The following DLG2 variants were observed in gnomAD, a reference collection of about 807,000 sequenced individuals.
The protein encoded by DLG2 is discs large MAGUK scaffold protein 2.
Under a neutral mutation model 132.5 loss-of-function variants are expected in DLG2, and 45 were observed. That is an observed-to-expected ratio of 0.34 (90% confidence interval 0.27 to 0.44). The LOEUF (loss-of-function observed/expected upper bound fraction) is 0.44. Ranked by LOEUF, DLG2 falls within the 20% of genes least tolerant of loss-of-function variation. The pLI is 1.00. For missense variants in DLG2, 1,045 were observed against 1,196.9 expected, an observed-to-expected ratio of 0.87 and a Z score of 1.87; for synonymous variants, 424 against 419.6, an observed-to-expected ratio of 1.01 and a Z score of -0.13.
chr11:84,484,513 C>T (rs2099146049), intron 7 of DLG2, among the ~76,000 whole-genome samples: 1 of 152,168 alleles, frequency 6.6e-6, no homozygotes, highest in Non-Finnish European at 1.5e-5. Flanking sequence ...TTTATAATTT[C>T]TGTACTAAGG....
chr11:84,538,398 C>CATT (rs1388582572), intron 6 of DLG2, among the ~76,000 whole-genome samples: 2 of 152,166 alleles, frequency 1.3e-5, no homozygotes, highest in African/African-American at 4.8e-5. Context: ...TTTTCAGGAA[C>CATT]ATTACCCTTA....
intron 18 of DLG2, 81 bp downstream of exon 18, chr11:83,786,609 G>T: frequency 7.9e-7 from 1 of 1,260,772 alleles, no homozygotes; most frequent in Non-Finnish European, 1.1e-6. Context: ...GGTGACTCTA[G>T]TTAATAAAAA....
chr11:84,322,664 A>C (rs989534428), intron 7 of DLG2, among the ~76,000 whole-genome samples: 1 of 151,154 alleles, frequency 6.6e-6, no homozygotes, highest in African/African-American at 2.4e-5. Flanking sequence ...ATCTCAGCTC[A>C]CTGCAACCTC....
chr11:85,386,777 A>T (rs1255117299), intron 3 of DLG2, among the ~76,000 whole-genome samples: 1 of 151,796 alleles, frequency 6.6e-6, no homozygotes, highest in South Asian at 2.1e-4. Flanking sequence ...AATGATAGTG[A>T]AAAAAGAAAA....
At chr11:84,630,834 T>C (rs1565501809) in intron 6 of DLG2, among the ~76,000 whole-genome samples, 1 of 152,172 alleles carries the variant, frequency 6.6e-6, no homozygotes, top group Admixed American at 6.5e-5. Flanking sequence ...CACTGTTCAC[T>C]TCAGCCTGCA....
intron 4 of DLG2, among the ~76,000 whole-genome samples, chr11:85,261,211 G>T (rs1302351293): frequency 6.6e-6 from 1 of 152,130 alleles, no homozygotes; most frequent in Non-Finnish European, 1.5e-5. Flanking sequence ...TGCTGGAGGG[G>T]CTACATGCAG....
At chr11:84,952,774 T>C (rs1422227914) in intron 6 of DLG2, among the ~76,000 whole-genome samples, 7 of 152,224 alleles carry the variant, frequency 4.6e-5, no homozygotes, top group African/African-American at 1.2e-4. Flanking sequence ...CAGAACTACA[T>C]TGCTGAAAGG....
At chr11:84,546,717 C>A in intron 6 of DLG2, 2 of 499,782 alleles carry the variant, frequency 4.0e-6, no homozygotes, top group Non-Finnish European at 7.8e-6. Context: ...CATTACCACA[C>A]AGTCCATGAG....
At chr11:84,457,142 A>C (rs1307332407) in intron 7 of DLG2, among the ~76,000 whole-genome samples, 2 of 151,194 alleles carry the variant, frequency 1.3e-5, no homozygotes, top group African/African-American at 4.8e-5. Context: ...TAAAGTTTCT[A>C]ATCTTGTTGA....
intron 9 of DLG2, among the ~76,000 whole-genome samples, chr11:84,132,262 G>C (rs1282792410): frequency 1.3e-5 from 2 of 151,928 alleles, no homozygotes; most frequent in African/African-American, 2.4e-5. Flanking sequence ...TTTCACATTG[G>C]ATTACCACTG....
intron 15 of DLG2, among the ~76,000 whole-genome samples, chr11:83,882,268 A>G (rs1018438417): frequency 1.4e-4 from 22 of 152,086 alleles, no homozygotes; most frequent in South Asian, 6.2e-4. Context: ...CCTCACATAT[A>G]AAAAAAAGAT....
chr11:83,791,546 T>C, intron 17 of DLG2: 1 of 558,636 alleles, frequency 1.8e-6, no homozygotes, highest in Non-Finnish European at 3.4e-6. Flanking sequence ...AGTTAAAGGA[T>C]TTCCAGAAGG....
chr11:84,779,238 A>C (rs2071266619), intron 6 of DLG2, among the ~76,000 whole-genome samples: 2 of 152,108 alleles, frequency 1.3e-5, no homozygotes, highest in Non-Finnish European at 2.9e-5. Flanking sequence ...ATACACACAC[A>C]CATATCCTAT....
intron 15 of DLG2, among the ~76,000 whole-genome samples, chr11:83,877,286 G>A (rs547310775): frequency 5.3e-5 from 8 of 151,938 alleles, no homozygotes; most frequent in African/African-American, 9.6e-5. Flanking sequence ...ATTTTTTTCC[G>A]TATACTTATT....
chr11:85,156,124 A>T (rs1250624993), intron 4 of DLG2, among the ~76,000 whole-genome samples: 1 of 152,140 alleles, frequency 6.6e-6, no homozygotes, highest in Non-Finnish European at 1.5e-5. Context: ...ATTTGCAACC[A>T]CTGTGGGCAG....
At chr11:83,985,866 T>A (rs2093245005) in intron 11 of DLG2, among the ~76,000 whole-genome samples, 2 of 152,096 alleles carry the variant, frequency 1.3e-5, no homozygotes, top group Non-Finnish European at 2.9e-5. Context: ...CCTTTGGATA[T>A]ATACCCAGTG....
chr11:84,132,071 G>A (rs2094443800), intron 9 of DLG2, among the ~76,000 whole-genome samples: 1 of 151,644 alleles, frequency 6.6e-6, no homozygotes, highest in Admixed American at 6.6e-5. Context: ...TAATTTTGAT[G>A]TCTCACATGA....
rs954350745 is a variant in DLG2, at chr11:83,458,623, A to G, written c.*1195T>C. ...AAACAAAAAGGTACTAATCCTAATT[A>G]CTCATTGTTGGCCAAAATGCTAAAT... On this transcript the variant is annotated 3_prime_UTR_variant, in exon 28 of 28. Transcript: ENST00000376104. 4 of 152,270 alleles carry G rather than the reference A, an allele frequency of 2.6e-5. No homozygotes were observed. The highest frequency in any genetic ancestry group is 9.7e-5 in the African/African-American group (4 of 41,450). The allele number at this position is 152,270 out of a possible 1,614,324, so 9.4% of individuals were successfully genotyped here.
chr11:84,735,097 C>A (rs987488048), intron 6 of DLG2, among the ~76,000 whole-genome samples: 2 of 151,984 alleles, frequency 1.3e-5, no homozygotes, highest in African/African-American at 4.8e-5. Flanking sequence ...GTCTAAAATT[C>A]TCTTTTTTGA....
Sources: allele counts gnomAD v4.1 joint callset (sites outside exome capture counted in the v4.1 genomes callset), GRCh38; gene constraint gnomAD v4.1.1; transcripts MANE v1.5; gene names NCBI Gene and HGNC (gene_info 2026-07-23, HGNC 2026-07-21).